The following KANK4 variants were observed in gnomAD, a reference collection of about 807,000 sequenced individuals.
The protein encoded by KANK4 is KN motif and ankyrin repeat domains 4.
Under a neutral mutation model 80.8 loss-of-function variants are expected in KANK4, and 50 were observed. The observed-to-expected ratio is 0.62, with a 90% confidence interval of 0.49 to 0.78. KANK4 has a LOEUF of 0.78. Ranked by LOEUF, KANK4 falls within the 30% of genes least tolerant of loss-of-function variation. KANK4 has a pLI of 0.00. For missense variants in KANK4, 1,196 were observed against 1,240.1 expected (o/e 0.96, Z 0.53); for synonymous variants, 465 against 506.9 (o/e 0.92, Z 1.11).
chr1:62,258,876 G>A lies in KANK4; in HGVS notation c.2539+4216C>T, dbSNP rs971559558. ...ACATTGGGGCTGTGACTTGAATGAC[G>A]AGAAGGAGCCAGTCACAAGAAGAGC... On this transcript the variant is annotated intron_variant, in intron 7 of 9. Transcript: ENST00000371153. 5.3e-5 allele frequency among the ~76,000 whole-genome samples: 8 copies of A among 152,284 alleles called. No individual in the cohort carries two copies. In the South Asian group the frequency reaches 1.2e-3, roughly 24 times the overall value.
chr1:62,317,125 GA>G (rs1367535172), intron 1 of KANK4, among the ~76,000 whole-genome samples: 1 of 152,136 alleles, frequency 6.6e-6, no homozygotes, highest in Non-Finnish European at 1.5e-5. Context: ...AAGGGGCCGG[GA>G]AAGTGTTAGA....
intron 1 of KANK4, among the ~76,000 whole-genome samples, chr1:62,287,466 C>G (rs1466510489): frequency 2.0e-5 from 3 of 152,166 alleles, no homozygotes; most frequent in Non-Finnish European, 2.9e-5. Context: ...CTAACCCATG[C>G]TGAAATTGAT....
intron 9 of KANK4, among the ~76,000 whole-genome samples, chr1:62,242,226 C>T (rs1183274964): frequency 6.6e-6 from 1 of 151,858 alleles, no homozygotes; most frequent in East Asian, 1.9e-4. Flanking sequence ...GCCAGGTGCA[C>T]TGGCTCATGC....
At position 62,268,372 on chromosome 1, in the gene KANK4, C is replaced by T. The variant is rs1248048826; in HGVS notation, c.2146G>A (p.Ala716Thr). The T allele has an allele frequency of 6.2e-7, 1 of 1,614,094 alleles. No individual in the cohort carries two copies. Among genetic ancestry groups the T allele is most frequent in the East Asian group, 2.2e-5 (1 of 44,872 alleles). The change falls in exon 5 of 10, where the codon GCT becomes ACT. Residue 716 changes from alanine (A) to threonine (T), a missense_variant. By Grantham distance (58) the Ala-to-Thr change is moderately conservative (BLOSUM62 0). This residue lies in a region of KANK4 where 1,154 missense variants were observed against 1,179.6 expected (regional missense o/e 0.98). Transcript: ENST00000371153. ...GTGCCCTCAGGGATGCCCTGCCCAG[C>T]CTCGCAGGTGAGATGGGCATCTTTG... is the stretch of plus-strand genomic sequence containing the variant. ...HVKDAHLTCE[A>T]GQGIPEGTCH... is the part of the protein sequence containing the mutation.
At chr1:62,259,711 A>T (rs1671833341) in intron 7 of KANK4, among the ~76,000 whole-genome samples, 1 of 149,390 alleles carries the variant, frequency 6.7e-6, no homozygotes, top group African/African-American at 2.4e-5. Context: ...AATTTTTATT[A>T]TTAAATGAAA....
intron 1 of KANK4, among the ~76,000 whole-genome samples, chr1:62,313,640 A>G (rs1039086042): frequency 6.6e-6 from 1 of 152,150 alleles, no homozygotes; most frequent in African/African-American, 2.4e-5. Flanking sequence ...CATAAGTAAG[A>G]GTTGAACAAT....
chr1:62,284,648 G>A lies in KANK4; in HGVS notation c.-70-3014C>T, dbSNP rs564105818. On this transcript the variant is annotated intron_variant, in intron 1 of 9. Transcript: ENST00000371153. The stretch of plus-strand genomic sequence containing the variant: ...AGCCATTTCTTACCCATTCTGTTAA[G>A]TTGTATCCCCACTGTTCAGAACCTT... 5.3e-5 allele frequency among the ~76,000 whole-genome samples: 8 copies of A among 152,270 alleles called. No individual in the cohort carries two copies. In the South Asian group the frequency reaches 1.7e-3, roughly 32 times the overall value.
chr1:62,299,145 C>T (rs1159441581), intron 1 of KANK4, among the ~76,000 whole-genome samples: 2 of 152,000 alleles, frequency 1.3e-5, no homozygotes, highest in Non-Finnish European at 2.9e-5. Flanking sequence ...CTAGCCTCGA[C>T]CTCCTAAGTT....
At chr1:62,251,975 G>A (rs1397890386) in intron 8 of KANK4, among the ~76,000 whole-genome samples, 1 of 141,002 alleles carries the variant, frequency 7.1e-6, no homozygotes, top group African/African-American at 2.6e-5. Context: ...CTGGGTGACA[G>A]AGTGAGACTC....
At chr1:62,265,346 T>C (rs1041382244) in intron 6 of KANK4, among the ~76,000 whole-genome samples, 2 of 152,064 alleles carry the variant, frequency 1.3e-5, no homozygotes, top group African/African-American at 4.8e-5. Context: ...GCTCAGGCGA[T>C]TCTCCCACCT....
At chr1:62,253,930 C>T (rs77005177) in intron 7 of KANK4, among the ~76,000 whole-genome samples, 3,868 of 152,282 alleles carry the variant, frequency 0.025, 151 homozygotes, top group African/African-American at 0.089. Flanking sequence ...CAGGTCTGTC[C>T]GGCTCTGGTG....
chr1:62,313,259 G>A (rs959508941), intron 1 of KANK4, among the ~76,000 whole-genome samples: 1 of 152,206 alleles, frequency 6.6e-6, no homozygotes, highest in Non-Finnish European at 1.5e-5. Context: ...CATCCACAGA[G>A]GGTCCTGGAA....
chr1:62,283,507 C>T (rs1672495628), intron 1 of KANK4, among the ~76,000 whole-genome samples: 2 of 152,180 alleles, frequency 1.3e-5, no homozygotes, highest in Admixed American at 6.5e-5. Flanking sequence ...AAGCCTTTGT[C>T]CACCCTGTAA....
At chr1:62,258,806 G>A (rs1316501968) in intron 7 of KANK4, among the ~76,000 whole-genome samples, 2 of 152,142 alleles carry the variant, frequency 1.3e-5, no homozygotes, top group African/African-American at 4.8e-5. Context: ...AGAGGTAGGG[G>A]CAGCCACTTT....
chr1:62,297,301 TGCTA>T (rs1351482815), intron 1 of KANK4, among the ~76,000 whole-genome samples: 1 of 69,940 alleles, frequency 1.4e-5, no homozygotes, highest in Admixed American at 1.5e-4. Context: ...TAATTATTAT[TGCTA>T]GCTAGATACT....
At chr1:62,278,110 T>G (rs1235750006) in intron 2 of KANK4, among the ~76,000 whole-genome samples, 1 of 152,052 alleles carries the variant, frequency 6.6e-6, no homozygotes, top group African/African-American at 2.4e-5. Context: ...TGGGAGTCAC[T>G]GAAGGGTTTT....
At chr1:62,279,515 A>G (rs1672406343) in intron 2 of KANK4, among the ~76,000 whole-genome samples, 1 of 152,196 alleles carries the variant, frequency 6.6e-6, no homozygotes, top group Non-Finnish European at 1.5e-5. Context: ...CACATGGCCA[A>G]CCTGGCTGGA....
intron 4 of KANK4, among the ~76,000 whole-genome samples, chr1:62,269,355 C>T (rs1324396852): frequency 6.6e-6 from 1 of 152,180 alleles, no homozygotes; most frequent in East Asian, 1.9e-4. Flanking sequence ...AGACTGGTGG[C>T]CATGGCCTCC....
intron 3 of KANK4, 87 bp downstream of exon 3, chr1:62,273,117 A>G (rs1672203842): frequency 5.2e-6 from 5 of 964,754 alleles, no homozygotes; most frequent in Non-Finnish European, 7.4e-6. Context: ...AAACATGTTA[A>G]TATAATTGAA....
Sources: gnomAD v4.1 joint callset for allele counts (sites outside exome capture counted in the v4.1 genomes callset) on GRCh38, gnomAD v4.1.1 for gene constraint, gnomAD v4.1.1 regional missense constraint, MANE v1.5 for transcripts, NCBI Gene and HGNC (gene_info 2026-07-23, HGNC 2026-07-21) for gene names.